The following NPAS3 variants were observed in gnomAD, a reference collection of about 807,000 sequenced individuals.
The protein encoded by NPAS3 is neuronal PAS domain-containing protein 3.
In NPAS3, 14 loss-of-function variants were observed where a neutral mutation model predicts 73.1. That is an observed-to-expected ratio of 0.19 (90% confidence interval 0.13 to 0.30). NPAS3 has a LOEUF of 0.30. Among genes scored for constraint, NPAS3 ranks in the 10% least tolerant of loss-of-function variants. The probability of loss-of-function intolerance (pLI) is 1.00; values close to 1 mark genes in which losing one functional copy is unlikely to be tolerated. For missense variants in NPAS3, 1,096 were observed against 1,250.0 expected (o/e 0.88, Z 1.86); for synonymous variants, 620 against 541.5 (o/e 1.14, Z -2.01).
chr14:33,193,034 A>C (rs1281110262), intron 2 of NPAS3, among the ~76,000 whole-genome samples: 1 of 152,174 alleles, frequency 6.6e-6, no homozygotes, highest in African/African-American at 2.4e-5. Flanking sequence ...TGGATGGGTG[A>C]ATCTCTAGGA....
intron 1 of NPAS3, among the ~76,000 whole-genome samples, chr14:32,951,438 A>C (rs971346308): frequency 1.3e-5 from 2 of 152,254 alleles, no homozygotes; most frequent in Middle Eastern, 3.4e-3. Flanking sequence ...ATTTTTCTTC[A>C]TGAAAACATC....
At chr14:33,199,127 A>G (rs2139574264) in intron 2 of NPAS3, among the ~76,000 whole-genome samples, 1 of 152,090 alleles carries the variant, frequency 6.6e-6, no homozygotes, top group Non-Finnish European at 1.5e-5. Flanking sequence ...CTCTCCCTCC[A>G]CACCTCCCCG....
intron 4 of NPAS3, among the ~76,000 whole-genome samples, chr14:33,400,765 A>AG (rs1003281932): frequency 6.6e-6 from 1 of 151,892 alleles, no homozygotes; most frequent in African/African-American, 2.4e-5. Context: ...TGGGAGTAGT[A>AG]GGGGGGCGTG....
rs34920021 is a variant in NPAS3 at position 33,079,609 on chromosome 14, C to CTTTTT, written c.140+23635_140+23639dup. Among the ~76,000 whole-genome samples the CTTTTT allele has an allele frequency of 2.9e-4, 16 of 56,062 alleles. 1 individual carries two copies. The highest frequency in any genetic ancestry group is 6.4e-4 in the Admixed American group (2 of 3,112). 36.8% of individuals were successfully genotyped at this position (56,062 alleles called of 152,430 possible). Reference sequence around the variant, plus strand: ...CTGGGATTATAGGCATGAGCCAGGCCTTTTTTTTTTTTTTTTTTTTTTTTG... The same window carrying CTTTTT: ...CTGGGATTATAGGCATGAGCCAGGCCTTTTTTTTTTTTTTTTTTTTTTTTTTTTTG... On this transcript the variant is annotated intron_variant, in intron 2 of 11. Transcript: ENST00000356141.
At chr14:33,562,899 G>GCACACA (rs56063953) in intron 5 of NPAS3, among the ~76,000 whole-genome samples, 96 of 149,590 alleles carry the variant, frequency 6.4e-4, no homozygotes, top group South Asian at 2.5e-3. Context: ...TCTTTTATGA[G>GCACACA]CACACACACA....
chr14:33,197,834 C>T (rs1385745137), intron 2 of NPAS3, among the ~76,000 whole-genome samples: 1 of 152,224 alleles, frequency 6.6e-6, no homozygotes, highest in Non-Finnish European at 1.5e-5. Context: ...CTGTGTCCCA[C>T]ATTGGTGGAT....
chr14:33,203,040 G>A (rs2046680995), intron 2 of NPAS3, among the ~76,000 whole-genome samples: 1 of 152,146 alleles, frequency 6.6e-6, no homozygotes, highest in African/African-American at 2.4e-5. Flanking sequence ...CTATTTCTTA[G>A]ACATTACATT....
At chr14:33,364,542 A>T (rs527312048) in intron 3 of NPAS3, among the ~76,000 whole-genome samples, 231 of 152,316 alleles carry the variant, frequency 1.5e-3, no homozygotes, top group Non-Finnish European at 2.5e-3. Context: ...AGTTCCAGTG[A>T]CATAAAAATG....
intron 2 of NPAS3, among the ~76,000 whole-genome samples, chr14:33,155,065 A>C (rs763166963): frequency 6.6e-6 from 1 of 152,230 alleles, no homozygotes; most frequent in East Asian, 1.9e-4. Flanking sequence ...AAACTCACAG[A>C]CTAAACAAAA....
intron 5 of NPAS3, among the ~76,000 whole-genome samples, chr14:33,610,389 G>A (rs1259347814): frequency 6.6e-6 from 1 of 151,896 alleles, no homozygotes; most frequent in Non-Finnish European, 1.5e-5. Context: ...AGTTTCACTG[G>A]CAAACTACCC....
downstream of NPAS3, chr14:33,801,232 G>A (rs933642338): frequency 2.5e-5 from 37 of 1,468,882 alleles, no homozygotes; most frequent in Non-Finnish European, 3.1e-5. Flanking sequence ...TCGCCACGAC[G>A]GTCCCCATTC....
rs146607285 is a variant in NPAS3, at chr14:33,646,198, A to G, written c.559-30013A>G. Among the ~76,000 whole-genome samples, 339 of 152,312 alleles carry G rather than the reference A, an allele frequency of 2.2e-3. 1 individual carries two copies. The highest frequency in any genetic ancestry group is 7.8e-3 in the African/African-American group (326 of 41,574). The stretch of plus-strand genomic sequence containing the variant: ...CATCCTGATTTTCCATTTATTAAAA[A>G]GGAAGGAGGGAAGGGATGTGACAAA... On this transcript the variant is annotated intron_variant, in intron 5 of 11. Transcript: ENST00000356141.
rs992624499 is a variant in NPAS3 at position 33,055,539 on chromosome 14, C to A, written c.51-366C>A. The stretch of plus-strand genomic sequence containing the variant: ...ATGCATGATTGAACTAATGACAGTC[C>A]TATAACAAAAACACTAATGACATTT... On this transcript the variant is annotated intron_variant, in intron 1 of 11. Transcript: ENST00000356141. Among the ~76,000 whole-genome samples the A allele has an allele frequency of 2.0e-5, 3 of 152,044 alleles. No homozygotes were observed. In the East Asian group the frequency reaches 5.8e-4, roughly 29 times the overall value.
At chr14:33,356,888 T>C (rs1163290742) in intron 3 of NPAS3, among the ~76,000 whole-genome samples, 1 of 152,110 alleles carries the variant, frequency 6.6e-6, no homozygotes, top group Admixed American at 6.5e-5. Flanking sequence ...AAGTTAAGTG[T>C]TTTTTCCTCA....
intron 4 of NPAS3, among the ~76,000 whole-genome samples, chr14:33,371,361 G>C (rs568694280): frequency 7.5e-4 from 114 of 152,226 alleles, no homozygotes; most frequent in African/African-American, 2.6e-3. Context: ...TGGGAAATGA[G>C]AAGTTATCAT....
chr14:33,463,331 A>G (rs1410141497), intron 4 of NPAS3, among the ~76,000 whole-genome samples: 1 of 152,158 alleles, frequency 6.6e-6, no homozygotes, highest in Non-Finnish European at 1.5e-5. Flanking sequence ...ATCACCTCAA[A>G]TCTTGCAAAT....
intron 7 of NPAS3, among the ~76,000 whole-genome samples, chr14:33,767,126 G>A (rs551746079): frequency 6.6e-6 from 1 of 152,208 alleles, no homozygotes; most frequent in East Asian, 1.9e-4. Context: ...GTTTTTATTG[G>A]TATTTGTTTT....
At chr14:33,170,271 C>CCTT (rs1172344943) in intron 2 of NPAS3, among the ~76,000 whole-genome samples, 12 of 152,064 alleles carry the variant, frequency 7.9e-5, no homozygotes, top group Admixed American at 3.9e-4. Flanking sequence ...GGTGCAATAG[C>CCTT]CTTATGTCTA....
intron 3 of NPAS3, among the ~76,000 whole-genome samples, chr14:33,322,989 C>A (rs370385918): frequency 1.2e-4 from 19 of 152,256 alleles, no homozygotes; most frequent in African/African-American, 4.6e-4. Context: ...AATTAAGTTC[C>A]TTTCCTCTCT....
Sources: gnomAD v4.1 joint callset for allele counts (sites outside exome capture counted in the v4.1 genomes callset) on GRCh38, gnomAD v4.1.1 for gene constraint, MANE v1.5 for transcripts, NCBI Gene and HGNC (gene_info 2026-07-23, HGNC 2026-07-21) for gene names.